Variants in TENM2 observed in about 807,000 individuals in gnomAD.
The protein encoded by TENM2 is teneurin-2.
In TENM2, 52 loss-of-function variants were observed where a neutral mutation model predicts 245.2. The observed-to-expected ratio is 0.21, with a 90% CI of 0.17 to 0.27. The LOEUF (loss-of-function observed/expected upper bound fraction) is 0.27. Among genes scored for constraint, TENM2 ranks in the 10% least tolerant of loss-of-function variants. The pLI, the probability that TENM2 is intolerant of heterozygous loss-of-function variation, is 1.00. For missense variants in TENM2, 3,046 were observed against 3,666.8 expected, an observed-to-expected ratio of 0.83 and a Z score of 4.37; for synonymous variants, 1,363 against 1,438.9, an observed-to-expected ratio of 0.95 and a Z score of 1.19.
At chr5:167,808,221 A>G (rs546249768) in intron 2 of TENM2, among the ~76,000 whole-genome samples, 17 of 152,274 alleles carry the variant, frequency 1.1e-4, no homozygotes, top group African/African-American at 3.8e-4. Flanking sequence ...CATCTGTGAA[A>G]CAACTGATAA....
At chr5:167,665,227 A>G (rs376091653) in intron 2 of TENM2, among the ~76,000 whole-genome samples, 2 of 152,204 alleles carry the variant, frequency 1.3e-5, no homozygotes, top group Non-Finnish European at 2.9e-5. Flanking sequence ...AAAAATGAAT[A>G]CAATAATATA....
intron 2 of TENM2, among the ~76,000 whole-genome samples, chr5:167,476,359 A>G (rs1003263959): frequency 1.3e-5 from 2 of 152,184 alleles, no homozygotes; most frequent in Non-Finnish European, 2.9e-5. Context: ...CACTTTGGTC[A>G]TTAGGAAAAA....
exon 27 of TENM2, chr5:168,248,275 A>G (rs1766778107): frequency 1.2e-6 from 2 of 1,614,008 alleles, no homozygotes; most frequent in Middle Eastern, 1.6e-4. Flanking sequence ...TACCATGTGG[A>G]AAAACGTGGG....
intron 2 of TENM2, among the ~76,000 whole-genome samples, chr5:167,663,987 AT>A (rs976559682): frequency 6.6e-6 from 1 of 151,948 alleles, no homozygotes; most frequent in African/African-American, 2.4e-5. Flanking sequence ...ATCTAATGTT[AT>A]TTTCTGTTGT....
intron 12 of TENM2, among the ~76,000 whole-genome samples, chr5:168,136,532 G>A (rs1024252232): frequency 5.9e-5 from 9 of 152,168 alleles, no homozygotes; most frequent in African/African-American, 2.2e-4. Context: ...AAGTCCTGCT[G>A]TGTTTACACA....
At chr5:167,993,340 C>T (rs80310562) in intron 5 of TENM2, among the ~76,000 whole-genome samples, 158 bp downstream of exon 7, 75 of 152,264 alleles carry the variant, frequency 4.9e-4, no homozygotes, top group Admixed American at 1.2e-3. Context: ...GATTTTTTCC[C>T]TCCTGAAATC....
intron 2 of TENM2, among the ~76,000 whole-genome samples, chr5:167,525,626 A>G (rs1156949316): frequency 1.3e-5 from 2 of 152,102 alleles, no homozygotes; most frequent in African/African-American, 4.8e-5. Flanking sequence ...TTGACCTGGG[A>G]CCTATAGGAC....
chr5:167,785,136 T>C (rs961075148), intron 2 of TENM2, among the ~76,000 whole-genome samples: 5 of 152,258 alleles, frequency 3.3e-5, no homozygotes, highest in African/African-American at 1.2e-4. Flanking sequence ...TGCCAAGGCA[T>C]GTATGTATAG....
At chr5:168,243,459 C>G (rs1186980048) in intron 25 of TENM2, among the ~76,000 whole-genome samples, 5 of 152,192 alleles carry the variant, frequency 3.3e-5, no homozygotes, top group Non-Finnish European at 5.9e-5. Context: ...AGATTTTTCT[C>G]TAGATATTAG....
At chr5:167,482,454 A>T (rs536559792) in intron 2 of TENM2, among the ~76,000 whole-genome samples, 22 of 152,244 alleles carry the variant, frequency 1.4e-4, no homozygotes, top group East Asian at 5.8e-4. Context: ...AATATTATTT[A>T]AAAAAATTAT....
chr5:167,378,873 T>C (rs1760926914), intron 2 of TENM2, among the ~76,000 whole-genome samples: 1 of 151,692 alleles, frequency 6.6e-6, no homozygotes, highest in South Asian at 2.1e-4. Context: ...CCTTTTTTTT[T>C]TTTTTTTCCT....
chr5:168,248,609 A>G (rs2152693719), intron 27 of TENM2, among the ~76,000 whole-genome samples: 1 of 152,338 alleles, frequency 6.6e-6, no homozygotes, highest in African/African-American at 2.4e-5. Flanking sequence ...AGTTGAAATA[A>G]CTTTATAAGA....
chr5:168,054,852 G>T (rs749205489), intron 6 of TENM2, among the ~76,000 whole-genome samples: 7 of 152,160 alleles, frequency 4.6e-5, no homozygotes, highest in Non-Finnish European at 1.0e-4. Flanking sequence ...TTAGAATGTT[G>T]CCTCTAAAAA....
intron 2 of TENM2, among the ~76,000 whole-genome samples, chr5:167,751,723 GTT>G (rs1022643553): frequency 4.6e-5 from 7 of 151,630 alleles, no homozygotes; most frequent in African/African-American, 1.7e-4. Flanking sequence ...CTTTCCCACT[GTT>G]TTGGTTTTTT....
intron 2 of TENM2, among the ~76,000 whole-genome samples, chr5:167,523,391 T>C (rs914683787): frequency 5.3e-5 from 8 of 152,158 alleles, no homozygotes; most frequent in African/African-American, 1.9e-4. Flanking sequence ...GAATGTGGGC[T>C]CCGTGTTGTA....
chr5:168,020,487 T>C (rs961813594), intron 5 of TENM2, among the ~76,000 whole-genome samples: 1 of 152,200 alleles, frequency 6.6e-6, no homozygotes, highest in Non-Finnish European at 1.5e-5. Flanking sequence ...GTTATGATTG[T>C]TTCCTGTTTT....
the TENM2 span, among the ~76,000 whole-genome samples, chr5:167,145,732 C>T: frequency 9.1e-4 from 139 of 152,260 alleles, no homozygotes; most frequent in African/African-American, 2.9e-3. Context: ...TGTCTTGTGT[C>T]ATACAATGCC....
chr5:167,529,347 T>G (rs1205950488), intron 2 of TENM2, among the ~76,000 whole-genome samples: 1 of 152,176 alleles, frequency 6.6e-6, no homozygotes, highest in African/African-American at 2.4e-5. Context: ...CATTTATAAA[T>G]AAAAAGATTG....
chr5:167,429,602 T>G lies in TENM2; in HGVS notation c.502+54129T>G, dbSNP rs1354496154. The stretch of plus-strand genomic sequence containing the variant: ...CAGGGAAATTCTCTTTCTCTCTCTC[T>G]CTCTCTTTTTTTTTTTTTTTTTTTT... On this transcript the variant is annotated intron_variant, in intron 2 of 28. Transcript: ENST00000518659. Among the ~76,000 whole-genome samples, 3 of 134,050 alleles carry G rather than the reference T, an allele frequency of 2.2e-5. No individual in the cohort carries two copies. The East Asian group carries it at 6.3e-4, about 28-fold the overall frequency. The allele number at this position is 134,050 out of a possible 152,430, so 87.9% of individuals were successfully genotyped here. A position where few individuals can be genotyped will look rare whatever the true frequency, so the allele number is the denominator to read the frequency against.
Sources: gnomAD v4.1 joint callset for allele counts (sites outside exome capture counted in the v4.1 genomes callset) on GRCh38, gnomAD v4.1.1 for gene constraint, MANE v1.5 for transcripts, NCBI Gene and HGNC (gene_info 2026-07-23, HGNC 2026-07-21) for gene names.